Variants in MRPS27 observed in about 807,000 individuals in gnomAD.
MRPS27 encodes small ribosomal subunit protein mS27.
MRPS27 carries 43 observed loss-of-function variants against 48.9 expected under a neutral mutation model. The ratio of observed to expected loss-of-function variants is 0.88; its 90% CI spans 0.69 to 1.13. The LOEUF (loss-of-function observed/expected upper bound fraction) is 1.13, where lower values mean the gene tolerates loss of function less well. Ranked by LOEUF, MRPS27 falls within the 50% of genes most tolerant of loss-of-function variation. MRPS27 has a pLI of 0.00. For missense variants in MRPS27, 467 were observed against 476.3 expected, an observed-to-expected ratio of 0.98 and a Z score of 0.18; for synonymous variants, 188 against 171.9, an observed-to-expected ratio of 1.09 and a Z score of -0.73.
intron 4 of MRPS27, chr5:72,294,425 T>C (rs1749923233): frequency 1.3e-5 from 2 of 152,198 alleles, no homozygotes; most frequent in Non-Finnish European, 2.9e-5. Flanking sequence ...CAATGCTTAC[T>C]GGAAACATTT....
Position 72,220,169 on chromosome 5 carries a change from G to T in MRPS27, c.*740C>A, listed in dbSNP as rs1412495247. On this transcript the variant is annotated 3_prime_UTR_variant, in exon 11 of 11. Coordinates refer to ENST00000261413, the MANE Select transcript of MRPS27 (RefSeq NM_015084.3). The stretch of plus-strand genomic sequence containing the variant: ...GGAGACTCAGGGACACAAGGTCTCA[G>T]GATGCACAGTTCACCTTGGCCTCAT... The T allele has an allele frequency of 6.5e-6, 1 of 152,964 alleles. No individual in the cohort carries two copies. The allele number at this position is 152,964 out of a possible 1,614,324, so 9.5% of individuals were successfully genotyped here.
chr5:72,239,866 C>A (rs1748304353), intron 4 of MRPS27, among the ~76,000 whole-genome samples: 1 of 152,094 alleles, frequency 6.6e-6, no homozygotes, highest in Non-Finnish European at 1.5e-5. Flanking sequence ...GAAACAGGAT[C>A]TCGCTGTGTT....
chr5:72,240,344 G>A (rs1030797228), intron 4 of MRPS27, among the ~76,000 whole-genome samples: 7 of 152,144 alleles, frequency 4.6e-5, no homozygotes, highest in Admixed American at 3.3e-4. Flanking sequence ...GATTGCTAGA[G>A]GCTGAAGGGT....
At chr5:72,307,992 C>T (rs1314460774) in intron 2 of MRPS27, 10 of 152,286 alleles carry the variant, frequency 6.6e-5, no homozygotes, top group Admixed American at 2.0e-4. Context: ...GAGGCTCTCG[C>T]CCGGTTTCCT....
intron 4 of MRPS27, 142 bp from the exon 5 acceptor site, chr5:72,238,270 G>A (rs1184135196): frequency 1.7e-5 from 10 of 600,968 alleles, no homozygotes; most frequent in Non-Finnish European, 2.6e-5. Flanking sequence ...ATAAAAACTT[G>A]AGAATGAAAC....
chr5:72,313,721 C>G (rs1750496800), intron 2 of MRPS27, among the ~76,000 whole-genome samples: 1 of 151,920 alleles, frequency 6.6e-6, no homozygotes. Flanking sequence ...CTGAAGACCA[C>G]AAGAGGAGTT....
chr5:72,307,996 G>C (rs1750321956), intron 2 of MRPS27: 1 of 152,298 alleles, frequency 6.6e-6, no homozygotes. Context: ...CTCTCGCCCG[G>C]TTTCCTCCTC....
chr5:72,274,192 A>G (rs1209012045), intron 4 of MRPS27, among the ~76,000 whole-genome samples: 1 of 152,164 alleles, frequency 6.6e-6, no homozygotes, highest in Non-Finnish European at 1.5e-5. Flanking sequence ...CGTCTCTACT[A>G]AAAACACAAA....
At chr5:72,295,259 C>T (rs73127297) in intron 4 of MRPS27, 30,687 of 253,718 alleles carry the variant, frequency 0.12, 6,131 homozygotes, top group African/African-American at 0.51. Context: ...AAATTACATA[C>T]GTACAAGGTT....
At chr5:72,263,299 A>T (rs574333958) in intron 4 of MRPS27, among the ~76,000 whole-genome samples, 10 of 152,130 alleles carry the variant, frequency 6.6e-5, no homozygotes, top group African/African-American at 2.4e-4. Flanking sequence ...ATCAATGACC[A>T]TAAAACTTAA....
At chr5:72,241,739 C>T in intron 4 of MRPS27, 1 of 1,515,658 alleles carries the variant, frequency 6.6e-7, no homozygotes, top group Non-Finnish European at 8.9e-7. Context: ...CATTGATTTT[C>T]CAATTTGCCT....
rs148072886 is a variant in MRPS27 at position 72,225,954 on chromosome 5, T to C, written c.837+103A>G. On this transcript the variant is annotated intron_variant, in intron 9 of 10. Coordinates refer to ENST00000261413, the MANE Select transcript of MRPS27 (RefSeq NM_015084.3). ...TTGATAAATACCTATTCTATAGACA[T>C]ATAGAAAGTAGGGGTAGTGGAAAGA... is the stretch of plus-strand genomic sequence containing the variant. The C allele has an allele frequency of 3.5e-5, 47 of 1,353,566 alleles. No individual in the cohort carries two copies. The Middle Eastern group carries it at 8.1e-4, about 23-fold the overall frequency. The allele number at this position is 1,353,566 out of a possible 1,614,324, so 83.8% of individuals were successfully genotyped here.
chr5:72,278,995 G>C (rs1749460780), intron 4 of MRPS27, among the ~76,000 whole-genome samples: 1 of 152,100 alleles, frequency 6.6e-6, no homozygotes, highest in South Asian at 2.1e-4. Context: ...GTTCCTTTAA[G>C]GTATATACCC....
intron 1 of MRPS27, 22 bp downstream of exon 1, chr5:72,320,127 C>G: frequency 6.2e-7 from 1 of 1,610,348 alleles, no homozygotes; most frequent in South Asian, 1.1e-5. Flanking sequence ...AATCAGGGGC[C>G]TAATGAAGCT....
chr5:72,288,550 T>A (rs979448974), intron 4 of MRPS27, among the ~76,000 whole-genome samples: 2 of 152,202 alleles, frequency 1.3e-5, no homozygotes, highest in African/African-American at 4.8e-5. Flanking sequence ...AAAGCTCCCA[T>A]GATCTCTGGC....
In MRPS27 at chr5:72,219,520, C is replaced by T. The variant is rs534981293; in HGVS notation, c.*1389G>A. 1 of 152,256 alleles carries T rather than the reference C, an allele frequency of 6.6e-6. No homozygotes were observed. The highest frequency in any genetic ancestry group is 2.4e-5 in the African/African-American group (1 of 41,532). The allele number at this position is 152,256 out of a possible 1,614,324, so 9.4% of individuals were successfully genotyped here. On this transcript the variant is annotated 3_prime_UTR_variant, in exon 11 of 11. Transcript: ENST00000261413. ...TCCCTTTCCCCAAAGATAAAGAGTA[C>T]ACTAACATGATCCCGGAACATTTAT... is the stretch of plus-strand genomic sequence containing the variant.
chr5:72,223,270 A>T (rs1747800691), intron 10 of MRPS27, among the ~76,000 whole-genome samples: 1 of 152,198 alleles, frequency 6.6e-6, no homozygotes, highest in Non-Finnish European at 1.5e-5. Flanking sequence ...ATCTCTACAC[A>T]CTCAAATGTG....
At chr5:72,298,502 C>T (rs1391925575) in intron 2 of MRPS27, among the ~76,000 whole-genome samples, 1 of 152,060 alleles carries the variant, frequency 6.6e-6, no homozygotes, top group Non-Finnish European at 1.5e-5. Context: ...ACAGAGCTAC[C>T]GAGACCATCC....
At chr5:72,307,518 G>A (rs1209810055) in intron 2 of MRPS27, among the ~76,000 whole-genome samples, 1 of 152,144 alleles carries the variant, frequency 6.6e-6, no homozygotes, top group Non-Finnish European at 1.5e-5. Context: ...ATGACTTACT[G>A]CCTGGGATCT....
Sources: gnomAD v4.1 joint callset for allele counts (sites outside exome capture counted in the v4.1 genomes callset) on GRCh38, gnomAD v4.1.1 for gene constraint, MANE v1.5 for transcripts, NCBI Gene and HGNC (gene_info 2026-07-23, HGNC 2026-07-21) for gene names.